TTC28: variants seen among roughly 807,000 people sequenced by gnomAD.
TTC28 encodes tetratricopeptide repeat domain 28, also known as tetratricopeptide repeat protein 28.
A neutral mutation model predicts 198.0 loss-of-function variants in TTC28; 61 were observed. The observed-to-expected ratio is 0.31, with a 90% CI of 0.25 to 0.38. The LOEUF (loss-of-function observed/expected upper bound fraction) is 0.38. TTC28 is among the 10% of genes least tolerant of loss of function. TTC28 has a pLI of 1.00. For synonymous variants in TTC28, 1,171 were observed against 1,297.8 expected (o/e 0.90, Z 2.10); for missense variants, 2,678 against 3,164.0 (o/e 0.85, Z 3.69).
intron 19 of TTC28, among the ~76,000 whole-genome samples, chr22:27,991,773 C>A (rs572094278): frequency 6.6e-6 from 1 of 152,314 alleles, no homozygotes; most frequent in Non-Finnish European, 1.5e-5. Context: ...AGTGGTGCAG[C>A]ATGGGTACTG....
intron 5 of TTC28, among the ~76,000 whole-genome samples, chr22:28,285,122 G>A (rs1182747851): frequency 1.3e-5 from 2 of 152,156 alleles, no homozygotes; most frequent in Non-Finnish European, 2.9e-5. Flanking sequence ...AAAACGGAGT[G>A]TATGTGTGTG....
intron 2 of TTC28, among the ~76,000 whole-genome samples, chr22:28,564,637 A>G (rs2049942944): frequency 6.6e-6 from 1 of 151,822 alleles, no homozygotes; most frequent in South Asian, 2.1e-4. Context: ...TGCATTGAGA[A>G]TAGTGGCTCA....
chr22:28,052,178 A>G (rs1381037390), intron 12 of TTC28, among the ~76,000 whole-genome samples: 1 of 152,160 alleles, frequency 6.6e-6, no homozygotes. Flanking sequence ...AGTATAAAGT[A>G]CCATATATGT....
chr22:28,337,448 T>A (rs1392231712), intron 2 of TTC28, among the ~76,000 whole-genome samples: 3 of 152,178 alleles, frequency 2.0e-5, no homozygotes, highest in African/African-American at 4.8e-5. Flanking sequence ...GGTGTTAAAA[T>A]CTCCCATTAT....
chr22:28,577,129 A>G lies in TTC28; in HGVS notation c.381+52423T>C, dbSNP rs1362331052. On this transcript the variant is annotated intron_variant, in intron 2 of 22. Coordinates refer to ENST00000397906, the MANE Select transcript of TTC28 (RefSeq NM_001145418.2). ...TATTGCCATAAAGTTTCCTCTTATTACTGCTTTTGCTGTATCCCAGAGACA... is the reference window on the plus strand; with the variant it reads ...TATTGCCATAAAGTTTCCTCTTATTGCTGCTTTTGCTGTATCCCAGAGACA... 5.9e-5 allele frequency among the ~76,000 whole-genome samples: 9 copies of G among 152,048 alleles called. No individual in the cohort carries two copies. The East Asian group carries it at 1.7e-3, about 29-fold the overall frequency.
At chr22:28,399,508 G>A (rs1055810854) in intron 2 of TTC28, among the ~76,000 whole-genome samples, 2 of 151,732 alleles carry the variant, frequency 1.3e-5, no homozygotes, top group Non-Finnish European at 2.9e-5. Context: ...GTAGAAACGA[G>A]GTGCCTGGGC....
At chr22:28,377,051 A>T (rs971847533) in intron 2 of TTC28, among the ~76,000 whole-genome samples, 1 of 151,610 alleles carries the variant, frequency 6.6e-6, no homozygotes, top group African/African-American at 2.4e-5. Flanking sequence ...AACAGATTCT[A>T]AAGTTAAAAA....
At chr22:28,451,715 G>T (rs2047780407) in intron 2 of TTC28, among the ~76,000 whole-genome samples, 1 of 152,162 alleles carries the variant, frequency 6.6e-6, no homozygotes, top group Non-Finnish European at 1.5e-5. Context: ...CAGGCAGTTA[G>T]TCTTCATCAT....
Position 27,989,987 on chromosome 22 carries a change from C to A in TTC28, c.5598G>T (p.Gln1866His). 6.4e-7 allele frequency: 1 copy of A among 1,551,074 alleles called. No individual in the cohort carries two copies. The highest frequency in any genetic ancestry group is 8.7e-7 in the Non-Finnish European group (1 of 1,146,796). ...CCTGCTCCTTCTCGCCAGCCTGGAG[C>A]TGAACCAGCACCTGGTGGAGCTGAG... ...MVGMLHQVLVQLQAGEKEQDL... is the reference protein window; with the variant it reads ...MVGMLHQVLVHLQAGEKEQDL... The change falls in exon 21 of 23, where the codon CAG (glutamine) becomes CAT (histidine). Residue 1866 changes from glutamine to histidine, a missense_variant. Gln to His is a conservative substitution (Grantham distance 24). Transcript: ENST00000397906.
chr22:28,584,959 T>C (rs928565522), intron 2 of TTC28, among the ~76,000 whole-genome samples: 3 of 142,616 alleles, frequency 2.1e-5, no homozygotes, highest in Non-Finnish European at 4.8e-5. Flanking sequence ...AGACTTCCAG[T>C]AGTGACTACA....
intron 2 of TTC28, among the ~76,000 whole-genome samples, chr22:28,428,427 C>T (rs2146194664): frequency 6.6e-6 from 1 of 152,140 alleles, no homozygotes; most frequent in Non-Finnish European, 1.5e-5. Flanking sequence ...TCATTTCCTC[C>T]TCCTTTCTCC....
chr22:28,634,567 C>G (rs2051234621), intron 1 of TTC28, among the ~76,000 whole-genome samples: 1 of 147,030 alleles, frequency 6.8e-6, no homozygotes, highest in Non-Finnish European at 1.5e-5. Flanking sequence ...ATAAACATAA[C>G]TTCCCAAGTC....
At chr22:28,554,813 G>A (rs1288958095) in intron 2 of TTC28, among the ~76,000 whole-genome samples, 2 of 152,132 alleles carry the variant, frequency 1.3e-5, no homozygotes, top group African/African-American at 4.8e-5. Context: ...GGAGGTTGCT[G>A]TGAGCCGAGA....
chr22:28,476,779 T>C (rs1387854789), intron 2 of TTC28, among the ~76,000 whole-genome samples: 2 of 152,178 alleles, frequency 1.3e-5, no homozygotes, highest in Non-Finnish European at 2.9e-5. Flanking sequence ...TCTTAAGTAT[T>C]TGCTCAAGAA....
chr22:28,179,993 C>A (rs995979546), intron 5 of TTC28, among the ~76,000 whole-genome samples: 1 of 152,094 alleles, frequency 6.6e-6, no homozygotes, highest in Non-Finnish European at 1.5e-5. Context: ...TTTAGCTAAT[C>A]TTTAAAAACT....
chr22:28,632,267 T>C (rs2051186909), intron 1 of TTC28, among the ~76,000 whole-genome samples: 1 of 135,824 alleles, frequency 7.4e-6, no homozygotes, highest in Non-Finnish European at 1.6e-5. Context: ...TTTTTTTTTT[T>C]TTTTTTTTTT....
chr22:28,240,519 A>G (rs887193984), intron 5 of TTC28, among the ~76,000 whole-genome samples: 2 of 152,216 alleles, frequency 1.3e-5, no homozygotes, highest in African/African-American at 4.8e-5. Context: ...ATATATCTGT[A>G]TACATCTATA....
chr22:28,216,167 G>A (rs1409766819), intron 5 of TTC28, among the ~76,000 whole-genome samples: 1 of 152,188 alleles, frequency 6.6e-6, no homozygotes, highest in Non-Finnish European at 1.5e-5. Context: ...TTTGCAGAAT[G>A]AATGAATGAG....
intron 2 of TTC28, among the ~76,000 whole-genome samples, chr22:28,489,085 A>G (rs910925329): frequency 6.6e-6 from 1 of 152,058 alleles, no homozygotes; most frequent in African/African-American, 2.4e-5. Context: ...GGAGCTTGAG[A>G]CCAGCCTGGG....
Sources: gnomAD v4.1 joint callset for allele counts (sites outside exome capture counted in the v4.1 genomes callset) on GRCh38, gnomAD v4.1.1 for gene constraint, MANE v1.5 for transcripts, NCBI Gene and HGNC (gene_info 2026-07-23, HGNC 2026-07-21) for gene names.